The following TTYH2 variants were observed in gnomAD, a reference collection of about 807,000 sequenced individuals.
TTYH2 encodes the protein protein tweety homolog 2.
Under a neutral mutation model 68.3 loss-of-function variants are expected in TTYH2, and 49 were observed. The observed-to-expected ratio is 0.72, with a 90% CI of 0.57 to 0.91. The LOEUF (loss-of-function observed/expected upper bound fraction) is 0.91, where lower values mean the gene tolerates loss of function less well. Ranked by LOEUF, TTYH2 falls within the 40% of genes least tolerant of loss-of-function variation. The pLI, the probability that TTYH2 is intolerant of heterozygous loss-of-function variation, is 0.00. For missense variants in TTYH2, 631 were observed against 700.4 expected, an observed-to-expected ratio of 0.90 and a Z score of 1.12; for synonymous variants, 272 against 300.8, an observed-to-expected ratio of 0.90 and a Z score of 0.99.
intron 5 of TTYH2, 85 bp downstream of exon 5, chr17:74,243,554 G>C: frequency 6.8e-7 from 1 of 1,459,928 alleles, no homozygotes; most frequent in Non-Finnish European, 9.6e-7. Context: ...GCCAGCTCCA[G>C]AGTGTGGGGA....
chr17:74,259,550 A>C (rs1459428049), intron 13 of TTYH2, among the ~76,000 whole-genome samples: 1 of 152,148 alleles, frequency 6.6e-6, no homozygotes, highest in Non-Finnish European at 1.5e-5. Flanking sequence ...ATATTTATAT[A>C]CTAGTGGATG....
At position 74,250,430 on chromosome 17, in the gene TTYH2, G is replaced by A. The variant is rs958172858; in HGVS notation, c.1116+73G>A. The stretch of plus-strand genomic sequence containing the variant: ...AGGCCACACCTTCCAGAGAAAAGCC[G>A]GTAGAGGCCGAGGGGAGCGATGGCC... On this transcript the variant is annotated intron_variant, in intron 10 of 13. Transcript: ENST00000269346. 1.3e-5 allele frequency: 17 copies of A among 1,310,766 alleles called. No individual in the cohort carries two copies. The African/African-American group carries it at 1.8e-4, about 14-fold the overall frequency. The allele number at this position is 1,310,766 out of a possible 1,614,324, so 81.2% of individuals were successfully genotyped here. A position where few individuals can be genotyped will look rare whatever the true frequency, so the allele number is the denominator to read the frequency against.
intron 3 of TTYH2, among the ~76,000 whole-genome samples, chr17:74,235,337 T>C (rs1416309606): frequency 6.6e-6 from 1 of 152,222 alleles, no homozygotes; most frequent in African/African-American, 2.4e-5. Context: ...CCGTGGGAGC[T>C]GAAGGCTGCC....
chr17:74,247,774 G>A (rs1349844550), intron 6 of TTYH2, among the ~76,000 whole-genome samples: 2 of 152,210 alleles, frequency 1.3e-5, no homozygotes, highest in Non-Finnish European at 2.9e-5. Context: ...TAATAGGCCA[G>A]GTTGATGTAT....
At chr17:74,243,065 GAA>G (rs2050517917) in intron 4 of TTYH2, among the ~76,000 whole-genome samples, 1 of 152,238 alleles carries the variant, frequency 6.6e-6, no homozygotes, top group Non-Finnish European at 1.5e-5. Flanking sequence ...TAGTGGCAAA[GAA>G]GAGAGTGGAC....
Position 74,253,251 on chromosome 17 carries a change from C to G in TTYH2, c.1430C>G (p.Pro477Arg), listed in dbSNP as rs755810501. Residue 477 changes from proline to arginine, a missense_variant, in exon 12 of 14, where the codon CCT becomes CGT. Coordinates refer to ENST00000269346, the MANE Select transcript of TTYH2 (RefSeq NM_032646.6). ...CCGGCCCAGACCATCTCCAACGCCC[C>G]TGTCTCCGAGTACATGTACGGCCTG... ...QPPAQTISNA[P>R]VSEYMNQAML... The G allele has an allele frequency of 3.1e-6, 5 of 1,602,310 alleles. No individual in the cohort carries two copies. In the South Asian group the frequency reaches 4.5e-5, roughly 14 times the overall value.
rs948810098 is a variant in TTYH2, at chr17:74,215,862, G to A, written c.129+2146G>A. On this transcript the variant is annotated intron_variant, in intron 1 of 13. Coordinates refer to ENST00000269346, the MANE Select transcript of TTYH2 (RefSeq NM_032646.6). The surrounding 1 kb of genome is among the most constrained non-coding windows in gnomAD (Gnocchi z 4.3). Reference sequence around the variant, plus strand: ...GTGCTATGCCAGGCGTGGGGTGACCGTGGTAACCAAGGCAGCAGGTCTTCA... The same window carrying A: ...GTGCTATGCCAGGCGTGGGGTGACCATGGTAACCAAGGCAGCAGGTCTTCA... 32 of 778,136 alleles carry A rather than the reference G, an allele frequency of 4.1e-5. No homozygotes were observed. Among genetic ancestry groups the A allele is most frequent in the East Asian group, 5.4e-5 (2 of 36,916 alleles). The allele number at this position is 778,136 out of a possible 1,614,324, so 48.2% of individuals were successfully genotyped here.
Position 74,261,127 on chromosome 17 carries a change from C to CAAAG in TTYH2, c.*918_*919insAAAG, listed in dbSNP as rs2050746305. The stretch of plus-strand genomic sequence containing the variant: ...CTCATTCCTTACCCTGGTTAGGTCA[C>CAAAG]TACTTTTGCAGATTTTGCTGGCACT... On this transcript the variant is annotated 3_prime_UTR_variant, in exon 14 of 14. Transcript: ENST00000269346. 1 of 152,612 alleles carries CAAAG rather than the reference C, an allele frequency of 6.6e-6. No homozygotes were observed. Among genetic ancestry groups the CAAAG allele is most frequent in the African/African-American group, 2.4e-5 (1 of 41,452 alleles). The allele number at this position is 152,612 out of a possible 1,614,324, so 9.5% of individuals were successfully genotyped here.
At position 74,241,340 on chromosome 17, in the gene TTYH2, G is replaced by A. The variant is rs886495669; in HGVS notation, c.636-2034G>A. 4.0e-5 allele frequency among the ~76,000 whole-genome samples: 6 copies of A among 151,792 alleles called. No individual in the cohort carries two copies. Among genetic ancestry groups the A allele is most frequent in the Admixed American group, 2.0e-4 (3 of 15,206 alleles). ...GTGATCCAAACACTAGATGGTTTGC[G>A]AGGTTCCTTCCAGCTCTGAGCTAAG... is the stretch of plus-strand genomic sequence containing the variant. On this transcript the variant is annotated intron_variant, in intron 4 of 13. Coordinates refer to ENST00000269346, the MANE Select transcript of TTYH2 (RefSeq NM_032646.6). This position sits in a 1 kb window ranked among gnomAD's most constrained non-coding sequence, Gnocchi z 4.1.
At chr17:74,225,499 G>A (rs906634620) in intron 2 of TTYH2, among the ~76,000 whole-genome samples, 5 of 152,194 alleles carry the variant, frequency 3.3e-5, no homozygotes, top group Non-Finnish European at 5.9e-5. Context: ...AACCCAGGCC[G>A]GCGGGAGTAT....
At chr17:74,229,204 C>T (rs2050362115) in intron 2 of TTYH2, among the ~76,000 whole-genome samples, 1 of 152,002 alleles carries the variant, frequency 6.6e-6, no homozygotes, top group African/African-American at 2.4e-5. Context: ...CTGGAGGTGT[C>T]AAGAGAGACC....
chr17:74,243,517 C>T, intron 5 of TTYH2, 48 bp downstream of exon 5: 1 of 1,589,098 alleles, frequency 6.3e-7, no homozygotes, highest in Non-Finnish European at 8.6e-7. Context: ...GGGCAGGATG[C>T]CATCATCAGA....
At chr17:74,237,637 GT>G in intron 4 of TTYH2, 123 bp downstream of exon 4, 1 of 866,854 alleles carries the variant, frequency 1.2e-6, no homozygotes, top group Non-Finnish European at 1.7e-6. Context: ...TTTTTGTTTT[GT>G]TTTTTTAAGA....
chr17:74,253,214 A>G lies in TTYH2; in HGVS notation c.1393A>G (p.Ser465Gly), dbSNP rs1440933977. Residue 465 changes from serine (S) to glycine (G), a missense_variant, in exon 12 of 14, where the codon AGC (serine) becomes GGC (glycine). Physicochemically the swap from Ser to Gly is moderately conservative, Grantham distance 56. Transcript: ENST00000269346. ...SYSSGLGSQT[S>G]LQPPAQTISN... ...CAGCAGTGGCCTGGGAAGTCAGACC[A>G]GCCTGCAGCCCCCGGCCCAGACCAT... 1 of 1,613,368 alleles carries G rather than the reference A, an allele frequency of 6.2e-7. No homozygotes were observed. The highest frequency in any genetic ancestry group is 1.7e-5 in the Admixed American group (1 of 59,822).
intron 11 of TTYH2, 43 bp downstream of exon 11, chr17:74,252,419 T>A (rs1332702289): frequency 1.2e-6 from 2 of 1,601,126 alleles, no homozygotes. Flanking sequence ...CAGCCTGGAG[T>A]TCTGGGAGAG....
intron 4 of TTYH2, among the ~76,000 whole-genome samples, chr17:74,238,647 G>A (rs1413353933): frequency 2.0e-5 from 3 of 151,996 alleles, no homozygotes; most frequent in Non-Finnish European, 4.4e-5. Context: ...CAGGCAGATC[G>A]CCTGAGGTCG....
chr17:74,226,314 A>G (rs2050328999), intron 2 of TTYH2, among the ~76,000 whole-genome samples: 1 of 152,226 alleles, frequency 6.6e-6, no homozygotes. Flanking sequence ...TTTAACAGCT[A>G]GGACGCAAAA....
intron 2 of TTYH2, among the ~76,000 whole-genome samples, chr17:74,227,034 G>T (rs879937375): frequency 6.6e-6 from 1 of 152,026 alleles, no homozygotes; most frequent in Non-Finnish European, 1.5e-5. Context: ...GAGTGCAGTG[G>T]CACGATCTCA....
chr17:74,248,419 C>T lies in TTYH2; in HGVS notation c.805-592C>T, dbSNP rs1057000190. On this transcript the variant is annotated intron_variant, in intron 6 of 13. Transcript: ENST00000269346. ...GGTCCTCCAGCTCATAAGTGGCAGC[C>T]GCCTCTCAGCTCCATGCCCTTCCCA... 35 of 986,630 alleles carry T rather than the reference C, an allele frequency of 3.5e-5. No individual in the cohort carries two copies. In the African/African-American group the frequency reaches 5.6e-4, roughly 16 times the overall value. The allele number at this position is 986,630 out of a possible 1,614,324, so 61.1% of individuals were successfully genotyped here. A position where few individuals can be genotyped will look rare whatever the true frequency, so the allele number is the denominator to read the frequency against.
Sources: gnomAD v4.1 joint callset for allele counts (sites outside exome capture counted in the v4.1 genomes callset) on GRCh38, gnomAD v4.1.1 for gene constraint, Gnocchi (gnomAD v3.1) non-coding constraint, MANE v1.5 for transcripts, NCBI Gene and HGNC (gene_info 2026-07-23, HGNC 2026-07-21) for gene names.